Variants in SLC25A21 observed in about 807,000 individuals in gnomAD.
The protein encoded by SLC25A21 is solute carrier family 25 member 21.
A neutral mutation model predicts 43.8 loss-of-function variants in SLC25A21; 47 were observed. That is an observed-to-expected ratio of 1.07 (90% CI 0.85 to 1.37). SLC25A21 has a LOEUF of 1.37. Among genes scored for constraint, SLC25A21 ranks in the 40% most tolerant of loss-of-function variants. The pLI, the probability that SLC25A21 is intolerant of heterozygous loss-of-function variation, is 0.00. For missense variants in SLC25A21, 352 were observed against 350.2 expected (o/e 1.00, Z -0.04); for synonymous variants, 131 against 121.3 (o/e 1.08, Z -0.52).
At position 36,945,829 on chromosome 14, in the gene SLC25A21, C is replaced by A. The variant is rs145079258; in HGVS notation, c.71-70825G>T. 2.3e-3 allele frequency among the ~76,000 whole-genome samples: 343 copies of A among 152,060 alleles called. 1 individual carries two copies. Among genetic ancestry groups the A allele is most frequent in the African/African-American group, 7.5e-3 (309 of 41,462 alleles). On this transcript the variant is annotated intron_variant, in intron 1 of 9. Coordinates refer to ENST00000331299, the MANE Select transcript of SLC25A21 (RefSeq NM_030631.4). ...TGCAATAATGTGAATGTACTTAATG[C>A]CACTGAACTATACACTTAAAAATGG...
chr14:37,108,314 T>A (rs916013907), intron 1 of SLC25A21, among the ~76,000 whole-genome samples: 1 of 152,190 alleles, frequency 6.6e-6, no homozygotes, highest in African/African-American at 2.4e-5. Context: ...AACGCCTTTT[T>A]TATTCTTACA....
chr14:36,770,747 A>G lies in SLC25A21; in HGVS notation c.204-36174T>C, dbSNP rs1247958267. On this transcript the variant is annotated intron_variant, in intron 3 of 9. Coordinates refer to ENST00000331299, the MANE Select transcript of SLC25A21 (RefSeq NM_030631.4). ...GACTTATGTCTTTCTTACTTAGGTT[A>G]CCTTTACTGGGAGTGTAGGAAGATT... 2.6e-5 allele frequency among the ~76,000 whole-genome samples: 4 copies of G among 152,220 alleles called. No homozygotes were observed. In the East Asian group the frequency reaches 7.7e-4, roughly 29 times the overall value.
intron 3 of SLC25A21, among the ~76,000 whole-genome samples, chr14:36,755,156 T>C (rs1421403941): frequency 6.6e-6 from 1 of 152,208 alleles, no homozygotes; most frequent in African/African-American, 2.4e-5. Flanking sequence ...CCCATTTATA[T>C]TAAATAATAA....
intron 3 of SLC25A21, among the ~76,000 whole-genome samples, chr14:36,772,644 A>G (rs1886664093): frequency 1.3e-5 from 2 of 152,166 alleles, no homozygotes; most frequent in Non-Finnish European, 2.9e-5. Context: ...ACTCCCTAAC[A>G]CTAGCTTCAA....
At chr14:36,850,412 G>A (rs980632747) in intron 2 of SLC25A21, among the ~76,000 whole-genome samples, 9 of 152,034 alleles carry the variant, frequency 5.9e-5, no homozygotes, top group South Asian at 2.1e-4. Flanking sequence ...ACCCAGGCTC[G>A]TTTTGCTCCA....
chr14:36,715,064 ATGT>A (rs998753777), intron 6 of SLC25A21, among the ~76,000 whole-genome samples: 3 of 152,196 alleles, frequency 2.0e-5, no homozygotes, highest in African/African-American at 7.2e-5. Context: ...ATCTAATCCA[ATGT>A]TGTTCTTTAC....
At chr14:36,905,749 C>CAAAT (rs1019240602) in intron 1 of SLC25A21, among the ~76,000 whole-genome samples, 3 of 152,120 alleles carry the variant, frequency 2.0e-5, no homozygotes, top group Non-Finnish European at 4.4e-5. Context: ...TAATTAAAGG[C>CAAAT]AAATGAAGGA....
At chr14:36,905,288 C>T (rs780966146) in intron 1 of SLC25A21, among the ~76,000 whole-genome samples, 1 of 152,174 alleles carries the variant, frequency 6.6e-6, no homozygotes, top group Non-Finnish European at 1.5e-5. Context: ...TTTTTCTAAA[C>T]CTAATTGCAG....
At chr14:36,930,353 C>A (rs1054097550) in intron 1 of SLC25A21, among the ~76,000 whole-genome samples, 2 of 152,078 alleles carry the variant, frequency 1.3e-5, no homozygotes, top group South Asian at 4.1e-4. Context: ...AAGGTAAGAA[C>A]CTAATTAATG....
intron 1 of SLC25A21, among the ~76,000 whole-genome samples, chr14:36,965,362 A>C (rs1959589520): frequency 6.6e-6 from 1 of 152,180 alleles, no homozygotes; most frequent in South Asian, 2.1e-4. Flanking sequence ...TAAGTCTCTC[A>C]ATCATATCAG....
chr14:37,002,052 G>A (rs115785237), intron 1 of SLC25A21, among the ~76,000 whole-genome samples: 102 of 152,216 alleles, frequency 6.7e-4, no homozygotes, highest in African/African-American at 2.3e-3. Flanking sequence ...TCATGCTCAA[G>A]GCACAGCATG....
intron 6 of SLC25A21, among the ~76,000 whole-genome samples, chr14:36,720,271 C>T (rs1224177941): frequency 6.6e-6 from 1 of 152,240 alleles, no homozygotes; most frequent in African/African-American, 2.4e-5. Context: ...GTGCCCCTCT[C>T]AGCTGCAGCA....
intron 3 of SLC25A21, among the ~76,000 whole-genome samples, chr14:36,742,426 T>G (rs1885310583): frequency 6.6e-6 from 1 of 152,110 alleles, no homozygotes; most frequent in Non-Finnish European, 1.5e-5. Context: ...CACTACACCT[T>G]TAGGGCATTA....
chr14:36,912,775 T>C (rs906198271), intron 1 of SLC25A21, among the ~76,000 whole-genome samples: 2 of 152,192 alleles, frequency 1.3e-5, no homozygotes, highest in East Asian at 3.8e-4. Flanking sequence ...TCCACCTAAC[T>C]TGGACTAACC....
intron 2 of SLC25A21, among the ~76,000 whole-genome samples, chr14:36,840,977 C>A (rs1889366667): frequency 6.6e-6 from 1 of 152,192 alleles, no homozygotes; most frequent in African/African-American, 2.4e-5. Context: ...AAAATATGTA[C>A]AGCAATATGT....
chr14:37,131,089 T>C (rs764753849), intron 1 of SLC25A21, among the ~76,000 whole-genome samples: 1 of 152,206 alleles, frequency 6.6e-6, no homozygotes, highest in South Asian at 2.1e-4. Context: ...CTAAACACGT[T>C]TGCACACTTT....
intron 1 of SLC25A21, among the ~76,000 whole-genome samples, chr14:37,012,501 A>C (rs1056963761): frequency 2.6e-5 from 4 of 152,216 alleles, no homozygotes; most frequent in Admixed American, 2.6e-4. Context: ...TATAACCTGT[A>C]AATGCAGAAA....
intron 1 of SLC25A21, among the ~76,000 whole-genome samples, chr14:37,049,364 A>G (rs1425334887): frequency 8.5e-5 from 13 of 152,118 alleles, no homozygotes; most frequent in Non-Finnish European, 1.8e-4. Context: ...TTGAGCCCAG[A>G]GGAGTTCAAG....
chr14:36,693,899 T>A (rs1383132457), intron 7 of SLC25A21, among the ~76,000 whole-genome samples: 1 of 152,090 alleles, frequency 6.6e-6, no homozygotes, highest in Non-Finnish European at 1.5e-5. Context: ...CCACAAAAGT[T>A]CCACCAAAAT....
Sources: allele counts gnomAD v4.1 joint callset (sites outside exome capture counted in the v4.1 genomes callset), GRCh38; gene constraint gnomAD v4.1.1; transcripts MANE v1.5; gene names NCBI Gene and HGNC (gene_info 2026-07-23, HGNC 2026-07-21).